Variants in EDNRB observed in about 807,000 individuals in gnomAD.
The protein encoded by EDNRB is endothelin receptor type B.
EDNRB carries 18 observed loss-of-function variants against 46.4 expected under a neutral mutation model. The observed-to-expected ratio is 0.39, with a 90% CI of 0.27 to 0.57. The LOEUF (loss-of-function observed/expected upper bound fraction) is 0.57. Ranked by LOEUF, EDNRB falls within the 20% of genes least tolerant of loss-of-function variation. EDNRB has a pLI of 0.61. For missense variants in EDNRB, 434 were observed against 537.5 expected (o/e 0.81, Z 1.90); for synonymous variants, 213 against 204.9 (o/e 1.04, Z -0.34).
intron 1 of EDNRB, among the ~76,000 whole-genome samples, chr13:77,929,445 G>T (rs1029939428): frequency 5.9e-5 from 9 of 152,230 alleles, no homozygotes; most frequent in African/African-American, 2.2e-4. Flanking sequence ...GTCCTCTTTA[G>T]GTGGCCTTTA....
chr13:77,918,015 C>T lies in EDNRB; in HGVS notation c.483+76G>A. 3.7e-6 allele frequency: 6 copies of T among 1,610,264 alleles called. No individual in the cohort carries two copies. Among genetic ancestry groups the T allele is most frequent in the Non-Finnish European group, 5.1e-6 (6 of 1,178,624 alleles). The stretch of plus-strand genomic sequence containing the variant: ...GGGAGCTAAAGGGAAGCTCCCTCTA[C>T]AAGCTTTCTCATCTCCCCGTCTCCA... On this transcript the variant is annotated intron_variant, in intron 1 of 6. Coordinates refer to ENST00000646607, the MANE Select transcript of EDNRB (RefSeq NM_001122659.3). This position sits in a 1 kb window ranked among gnomAD's most constrained non-coding sequence, Gnocchi z 4.5.
In EDNRB at chr13:77,897,478, G is replaced by A; in HGVS notation, c.*722C>T. The A allele has an allele frequency of 1.0e-6, 1 of 979,530 alleles. No individual in the cohort carries two copies. The highest frequency in any genetic ancestry group is 1.2e-6 in the Non-Finnish European group (1 of 824,720). 60.7% of individuals were successfully genotyped at this position (979,530 alleles called of 1,614,324 possible). On this transcript the variant is annotated 3_prime_UTR_variant, in exon 7 of 7. Coordinates refer to ENST00000646607, the MANE Select transcript of EDNRB (RefSeq NM_001122659.3). ...GGATGTAATAATTTTCTTTTTAAAA[G>A]TATTATATTTTAAATTCAGCTGGCA...
At chr13:77,923,292 C>G (rs7997107), upstream of EDNRB, among the ~76,000 whole-genome samples, 15,744 of 152,128 alleles carry the variant, frequency 0.1, 902 homozygotes, top group Middle Eastern at 0.18. Context: ...ATATTCCTTT[C>G]TTTGACATAT....
chr13:77,969,689 C>G (rs1414947743), intron 1 of EDNRB, among the ~76,000 whole-genome samples: 1 of 152,128 alleles, frequency 6.6e-6, no homozygotes, highest in Admixed American at 6.6e-5. Context: ...CCGCCTGCAC[C>G]ATTTTCATTT....
intron 6 of EDNRB, among the ~76,000 whole-genome samples, chr13:77,898,894 A>C (rs1878779159): frequency 6.6e-6 from 1 of 151,954 alleles, no homozygotes; most frequent in Non-Finnish European, 1.5e-5. Context: ...TGAATTTAAT[A>C]CTGCTTTCCT....
upstream of EDNRB, among the ~76,000 whole-genome samples, chr13:77,924,740 G>A (rs1360707366): frequency 2.0e-5 from 3 of 152,130 alleles, no homozygotes; most frequent in Non-Finnish European, 4.4e-5. Context: ...CATGTATTGT[G>A]GGAGGGACCC....
rs1276144452 is a variant in EDNRB, at chr13:77,896,552, G to A, written c.*1648C>T. ...ATTACTAGCTTATTTCCAACATGTG[G>A]CCCAGCCTATTAAAAGAAAAACAAA... On this transcript the variant is annotated 3_prime_UTR_variant, in exon 7 of 7. Coordinates refer to ENST00000646607, the MANE Select transcript of EDNRB (RefSeq NM_001122659.3). 2.6e-6 allele frequency: 4 copies of A among 1,558,100 alleles called. No individual in the cohort carries two copies. Among genetic ancestry groups the A allele is most frequent in the Non-Finnish European group, 3.5e-6 (4 of 1,149,780 alleles).
intron 1 of EDNRB, among the ~76,000 whole-genome samples, chr13:77,929,750 C>T (rs770508902): frequency 3.3e-5 from 5 of 152,252 alleles, no homozygotes; most frequent in South Asian, 2.1e-4. Flanking sequence ...ACTTCAGGAA[C>T]GCTGACTCCT....
At chr13:77,951,275 G>GT (rs1429471625) in intron 1 of EDNRB, among the ~76,000 whole-genome samples, 3 of 151,860 alleles carry the variant, frequency 2.0e-5, no homozygotes, top group South Asian at 2.1e-4. Flanking sequence ...GTTTTGTTTT[G>GT]TTTTTTCAGT....
At chr13:77,941,498 A>G (rs939422465) in intron 1 of EDNRB, among the ~76,000 whole-genome samples, 1 of 152,206 alleles carries the variant, frequency 6.6e-6, no homozygotes, top group African/African-American at 2.4e-5. Context: ...TCTTCTAGTG[A>G]TTTATCAAAT....
chr13:77,912,528 A>T (rs1924928), intron 1 of EDNRB, among the ~76,000 whole-genome samples: 1 of 152,176 alleles, frequency 6.6e-6, no homozygotes, highest in Admixed American at 6.6e-5. Flanking sequence ...TTTGGACATC[A>T]GTAAAAATAT....
upstream of EDNRB, chr13:77,919,401 C>A (rs779812282): frequency 2.5e-6 from 4 of 1,610,512 alleles, no homozygotes; most frequent in Admixed American, 3.3e-5. Context: ...GTTTACCTCT[C>A]GGATCTGACA....
intron 1 of EDNRB, among the ~76,000 whole-genome samples, chr13:77,957,955 T>TA (rs1158625518): frequency 3.3e-5 from 5 of 152,230 alleles, no homozygotes; most frequent in Non-Finnish European, 2.9e-5. Context: ...TGCTATATGT[T>TA]AGAGTCTGTG....
intron 1 of EDNRB, among the ~76,000 whole-genome samples, chr13:77,908,265 C>T (rs117569680): frequency 0.011 from 1,730 of 151,938 alleles, 21 homozygotes; most frequent in Non-Finnish European, 0.02. Context: ...TGTGGAGACC[C>T]AGCAAAGCCT....
At chr13:77,901,772 G>A (rs1004615523) in intron 3 of EDNRB, among the ~76,000 whole-genome samples, 4 of 151,774 alleles carry the variant, frequency 2.6e-5, no homozygotes, top group Admixed American at 2.6e-4. Context: ...AGATATATCT[G>A]TGTTGGAGAG....
intron 1 of EDNRB, among the ~76,000 whole-genome samples, chr13:77,926,061 G>A (rs1880227787): frequency 6.6e-6 from 1 of 152,118 alleles, no homozygotes; most frequent in African/African-American, 2.4e-5. Context: ...CCTTTGTTTT[G>A]GTCAATTTCT....
At chr13:77,923,105 G>A (rs1880131435), upstream of EDNRB, among the ~76,000 whole-genome samples, 1 of 152,128 alleles carries the variant, frequency 6.6e-6, no homozygotes, top group South Asian at 2.1e-4. Flanking sequence ...TAGGTTTAAT[G>A]TAACTAGAAA....
chr13:77,935,143 A>G (rs181230653), intron 1 of EDNRB, among the ~76,000 whole-genome samples: 2 of 152,280 alleles, frequency 1.3e-5, no homozygotes, highest in African/African-American at 4.8e-5. Flanking sequence ...AACTGTAGAG[A>G]GTGAGTTGAG....
chr13:77,951,503 T>C (rs957961806), intron 1 of EDNRB, among the ~76,000 whole-genome samples: 1 of 152,012 alleles, frequency 6.6e-6, no homozygotes, highest in Non-Finnish European at 1.5e-5. Context: ...TGGACAGAAA[T>C]TGGGAGGGGC....
Sources: allele counts gnomAD v4.1 joint callset (sites outside exome capture counted in the v4.1 genomes callset), GRCh38; gene constraint gnomAD v4.1.1; non-coding constraint Gnocchi (gnomAD v3.1); transcripts MANE v1.5; gene names NCBI Gene and HGNC (gene_info 2026-07-23, HGNC 2026-07-21).